The following TENM2 variants were observed in gnomAD, a reference collection of about 807,000 sequenced individuals.
TENM2 encodes the protein teneurin transmembrane protein 2.
TENM2 carries 52 observed loss-of-function variants against 245.2 expected under a neutral mutation model. The ratio of observed to expected loss-of-function variants is 0.21; its 90% CI spans 0.17 to 0.27. The LOEUF is 0.27. TENM2 is among the 10% of genes least tolerant of loss of function. The pLI, the probability that TENM2 is intolerant of heterozygous loss-of-function variation, is 1.00. For missense variants in TENM2, 3,046 were observed against 3,666.8 expected, an observed-to-expected ratio of 0.83 and a Z score of 4.37; for synonymous variants, 1,363 against 1,438.9, an observed-to-expected ratio of 0.95 and a Z score of 1.19.
chr5:167,089,476 A>G, the TENM2 span, among the ~76,000 whole-genome samples: 2 of 152,196 alleles, frequency 1.3e-5, no homozygotes, highest in Admixed American at 6.5e-5. Context: ...GACATTTGGG[A>G]GATTTTGTAT....
intron 2 of TENM2, among the ~76,000 whole-genome samples, chr5:167,496,035 A>T (rs576745400): frequency 6.6e-6 from 1 of 152,084 alleles, no homozygotes; most frequent in East Asian, 1.9e-4. Flanking sequence ...AGCAAAGGAA[A>T]GGCAGCCACA....
intron 2 of TENM2, among the ~76,000 whole-genome samples, chr5:167,417,982 CTAAG>C (rs1261397669): frequency 6.6e-6 from 1 of 152,152 alleles, no homozygotes; most frequent in Non-Finnish European, 1.5e-5. Flanking sequence ...TAATGTGTCA[CTAAG>C]TATTTGTGCT....
chr5:167,030,930 T>C, the TENM2 span, among the ~76,000 whole-genome samples: 1 of 152,222 alleles, frequency 6.6e-6, no homozygotes, highest in Non-Finnish European at 1.5e-5. Flanking sequence ...TCCAGGTCCA[T>C]GTAGCGGTGC....
intron 12 of TENM2, among the ~76,000 whole-genome samples, chr5:168,149,784 C>T (rs1284479985): frequency 6.6e-6 from 1 of 152,228 alleles, no homozygotes. Flanking sequence ...AATATCCGTA[C>T]AGTGGACTAT....
chr5:168,028,330 A>G (rs1450883435), intron 5 of TENM2, among the ~76,000 whole-genome samples: 1 of 152,178 alleles, frequency 6.6e-6, no homozygotes, highest in African/African-American at 2.4e-5. Context: ...TACACACGAG[A>G]CAGCCAGGCA....
chr5:167,104,786 A>G, the TENM2 span, among the ~76,000 whole-genome samples: 1 of 152,206 alleles, frequency 6.6e-6, no homozygotes, highest in Non-Finnish European at 1.5e-5. Context: ...ATTACAGCAA[A>G]TGGAGCTTAT....
chr5:168,262,263 G>T, exon 29 of TENM2: 1 of 1,607,214 alleles, frequency 6.2e-7, no homozygotes, highest in East Asian at 2.2e-5. Flanking sequence ...AGCGAAGATA[G>T]CCGCAAGGTG....
intron 4 of TENM2, among the ~76,000 whole-genome samples, chr5:167,988,265 A>C (rs1783398639): frequency 6.6e-6 from 1 of 152,204 alleles, no homozygotes; most frequent in Admixed American, 6.5e-5. Context: ...GTCTTGGAAA[A>C]GGTTGTAAGT....
intron 2 of TENM2, among the ~76,000 whole-genome samples, chr5:167,724,363 A>T (rs1376330013): frequency 6.6e-6 from 1 of 151,592 alleles, no homozygotes; most frequent in Non-Finnish European, 1.5e-5. Flanking sequence ...CTCTTCATGT[A>T]TAAAACAGGG....
At chr5:167,532,200 A>G (rs1771549206) in intron 2 of TENM2, among the ~76,000 whole-genome samples, 2 of 152,104 alleles carry the variant, frequency 1.3e-5, no homozygotes, top group African/African-American at 2.4e-5. Context: ...TTGTCTCATT[A>G]AGACATTTAA....
the TENM2 span, among the ~76,000 whole-genome samples, chr5:167,119,165 A>T: frequency 6.6e-6 from 1 of 152,340 alleles, no homozygotes; most frequent in East Asian, 1.9e-4. Context: ...TCAAATACAG[A>T]TACAATTAGT....
intron 13 of TENM2, among the ~76,000 whole-genome samples, chr5:168,180,458 C>T (rs933633033): frequency 2.0e-5 from 3 of 152,226 alleles, no homozygotes; most frequent in Non-Finnish European, 4.4e-5. Context: ...GTATTAACAT[C>T]CTGCAGGAGA....
intron 2 of TENM2, among the ~76,000 whole-genome samples, chr5:167,537,236 AC>A (rs1771910011): frequency 9.8e-6 from 1 of 102,480 alleles, no homozygotes; most frequent in Non-Finnish European, 1.9e-5. Context: ...ATATAGTGAG[AC>A]CCCCATCTCT....
chr5:167,740,432 T>G (rs960040043), intron 2 of TENM2, among the ~76,000 whole-genome samples: 1 of 152,206 alleles, frequency 6.6e-6, no homozygotes, highest in African/African-American at 2.4e-5. Context: ...TTTTGGATTG[T>G]GCAGTCAATT....
chr5:167,897,742 C>G (rs1011090268), intron 3 of TENM2, among the ~76,000 whole-genome samples: 6 of 151,942 alleles, frequency 3.9e-5, no homozygotes, highest in African/African-American at 1.5e-4. Flanking sequence ...GTCAAAGGGT[C>G]CTTATTTTAG....
intron 9 of TENM2, among the ~76,000 whole-genome samples, chr5:168,111,955 C>T (rs957619653): frequency 3.3e-5 from 5 of 152,168 alleles, no homozygotes; most frequent in Admixed American, 6.5e-5. Context: ...GAGTTCTTTG[C>T]GTATTTCAGA....
At chr5:167,424,673 T>C (rs189400064) in intron 2 of TENM2, among the ~76,000 whole-genome samples, 26 of 152,278 alleles carry the variant, frequency 1.7e-4, no homozygotes, top group African/African-American at 6.0e-4. Context: ...CCCCCAGAAA[T>C]GTAAAATTAC....
intron 2 of TENM2, among the ~76,000 whole-genome samples, chr5:167,451,562 C>G (rs1339400743): frequency 6.6e-6 from 1 of 152,166 alleles, no homozygotes; most frequent in Non-Finnish European, 1.5e-5. Context: ...TGCTATTCCC[C>G]TTTAGTTTTC....
At chr5:167,189,808 A>G in the TENM2 span, among the ~76,000 whole-genome samples, 5 of 152,122 alleles carry the variant, frequency 3.3e-5, no homozygotes, top group East Asian at 5.8e-4. Context: ...TTGAGACCAT[A>G]TTTCTTTTTC....
Sources: allele counts gnomAD v4.1 joint callset (sites outside exome capture counted in the v4.1 genomes callset), GRCh38; gene constraint gnomAD v4.1.1; transcripts MANE v1.5; gene names NCBI Gene and HGNC (gene_info 2026-07-23, HGNC 2026-07-21).